CXCL13: variants seen among roughly 807,000 people sequenced by gnomAD.
CXCL13 encodes the protein C-X-C motif chemokine 13.
Under a neutral mutation model 12.2 loss-of-function variants are expected in CXCL13, and 7 were observed. The ratio of observed to expected loss-of-function variants is 0.57; its 90% CI spans 0.33 to 1.07. The LOEUF (loss-of-function observed/expected upper bound fraction) is 1.07, where lower values mean the gene tolerates loss of function less well. Ranked by LOEUF, CXCL13 falls within the 50% of genes least tolerant of loss-of-function variation. The pLI is 0.04. For missense variants in CXCL13, 113 were observed against 127.4 expected, an observed-to-expected ratio of 0.89 and a Z score of 0.55; for synonymous variants, 47 against 42.4, an observed-to-expected ratio of 1.11 and a Z score of -0.42.
upstream of CXCL13, among the ~76,000 whole-genome samples, chr4:77,601,435 C>A (rs1726879609): frequency 6.6e-6 from 1 of 152,002 alleles, no homozygotes; most frequent in Non-Finnish European, 1.5e-5. Context: ...AAATAAAACA[C>A]CCCCTGTGTA....
At chr4:77,512,206 C>G (rs1476947394) in intron 1 of CXCL13, among the ~76,000 whole-genome samples, 1 of 152,290 alleles carries the variant, frequency 6.6e-6, no homozygotes, top group East Asian at 1.9e-4. Context: ...TTCTTGTTTT[C>G]TCATTAGATT....
intron 1 of CXCL13, among the ~76,000 whole-genome samples, chr4:77,579,787 T>C (rs1026699898): frequency 1.3e-5 from 2 of 152,220 alleles, no homozygotes; most frequent in Non-Finnish European, 2.9e-5. Context: ...ATCTCTTTAG[T>C]ACAAGCAAAT....
intron 1 of CXCL13, among the ~76,000 whole-genome samples, chr4:77,567,178 A>G (rs1440532390): frequency 6.6e-6 from 1 of 152,118 alleles, no homozygotes; most frequent in Non-Finnish European, 1.5e-5. Flanking sequence ...ACTTTGTAAG[A>G]TCCACCCCCT....
chr4:77,525,721 G>A (rs1327950509), intron 1 of CXCL13, among the ~76,000 whole-genome samples: 1 of 151,920 alleles, frequency 6.6e-6, no homozygotes, highest in Non-Finnish European at 1.5e-5. Flanking sequence ...TTTGTCCAAG[G>A]CAAACATGAC....
chr4:77,530,381 AC>A (rs1724879828), intron 1 of CXCL13, among the ~76,000 whole-genome samples: 1 of 152,066 alleles, frequency 6.6e-6, no homozygotes, highest in African/African-American at 2.4e-5. Context: ...CTCTGGTAGA[AC>A]TCGGCTGTGA....
chr4:77,538,364 T>G (rs1034667597), intron 1 of CXCL13, among the ~76,000 whole-genome samples: 1 of 151,662 alleles, frequency 6.6e-6, no homozygotes, highest in African/African-American at 2.4e-5. Flanking sequence ...GAAGAATGAC[T>G]CATTATTTAT....
intron 1 of CXCL13, among the ~76,000 whole-genome samples, chr4:77,571,347 T>C (rs1048513323): frequency 4.6e-5 from 7 of 151,736 alleles, no homozygotes; most frequent in African/African-American, 1.7e-4. Flanking sequence ...AGTGCACCAA[T>C]CGACACTCTG....
At chr4:77,577,414 A>G (rs1287150124) in intron 1 of CXCL13, among the ~76,000 whole-genome samples, 1 of 152,100 alleles carries the variant, frequency 6.6e-6, no homozygotes, top group African/African-American at 2.4e-5. Flanking sequence ...TTGAAGCCCT[A>G]AGAAAGAAAA....
intron 1 of CXCL13, among the ~76,000 whole-genome samples, chr4:77,583,036 A>G (rs1002990049): frequency 1.3e-5 from 2 of 152,178 alleles, no homozygotes; most frequent in Non-Finnish European, 2.9e-5. Flanking sequence ...CTTTTAATGT[A>G]AGCAACAAAG....
At chr4:77,564,616 G>C (rs1725881375) in intron 1 of CXCL13, among the ~76,000 whole-genome samples, 1 of 152,178 alleles carries the variant, frequency 6.6e-6, no homozygotes, top group South Asian at 2.1e-4. Flanking sequence ...TGCTATTATT[G>C]TTCCTATACC....
chr4:77,529,255 A>C (rs1464490568), intron 1 of CXCL13, among the ~76,000 whole-genome samples: 1 of 152,088 alleles, frequency 6.6e-6, no homozygotes, highest in Non-Finnish European at 1.5e-5. Context: ...TTGACTTGGC[A>C]ATGCAGGCTC....
intron 1 of CXCL13, among the ~76,000 whole-genome samples, chr4:77,587,543 T>C (rs1324501769): frequency 6.6e-6 from 1 of 152,162 alleles, no homozygotes; most frequent in Non-Finnish European, 1.5e-5. Flanking sequence ...AATTGCTTAA[T>C]TGGATCCTTC....
In CXCL13 at chr4:77,561,563, T is replaced by C. The variant is rs147854125; in HGVS notation, c.-42-44261T>C. On this transcript the variant is annotated intron_variant, in intron 1 of 4. Transcript: ENST00000286758. ...ATAATCAGTAGTGCTGATCTTGGAG[T>C]GTAGCACCATCTGCTTCGAAGACTA... Among the ~76,000 whole-genome samples the C allele has an allele frequency of 4.5e-3, 681 of 152,260 alleles. 18 individuals are homozygous for C. Among genetic ancestry groups the C allele is most frequent in the East Asian group, 0.027 (140 of 5,186 alleles).
chr4:77,603,169 G>T (rs1249419283), upstream of CXCL13, among the ~76,000 whole-genome samples: 1 of 151,810 alleles, frequency 6.6e-6, no homozygotes, highest in Non-Finnish European at 1.5e-5. Flanking sequence ...TCATTTTTTT[G>T]CTCTCACAAG....
At chr4:77,547,856 TG>T (rs1274762497) in intron 1 of CXCL13, among the ~76,000 whole-genome samples, 1 of 152,228 alleles carries the variant, frequency 6.6e-6, no homozygotes, top group African/African-American at 2.4e-5. Context: ...GGTATGTTTT[TG>T]CAGTGGCTGG....
rs1418182723 is a variant in CXCL13 at position 77,610,611 on chromosome 4, C to T, written c.198-3C>T. The T allele has an allele frequency of 1.2e-6, 2 of 1,604,290 alleles. No individual in the cohort carries two copies. Among genetic ancestry groups the T allele is most frequent in the Non-Finnish European group, 1.7e-6 (2 of 1,171,350 alleles). The stretch of plus-strand genomic sequence containing the variant: ...GAATTATTTAATTTTTATTTTCCCC[C>T]AGAGTCTGGAAGAAGAACAAGTCAA... On this transcript the variant is annotated splice_region_variant and splice_polypyrimidine_tract_variant and intron_variant, in intron 2 of 3. Coordinates refer to ENST00000682537, the MANE Select transcript of CXCL13 (RefSeq NM_001371558.1).
chr4:77,572,904 A>G (rs1490884964), intron 1 of CXCL13, among the ~76,000 whole-genome samples: 1 of 151,964 alleles, frequency 6.6e-6, no homozygotes, highest in Non-Finnish European at 1.5e-5. Context: ...CTATGCAGCC[A>G]TAAAAAAGAA....
chr4:77,607,621 G>C, intron 1 of CXCL13, 82 bp from the exon 2 acceptor site: 1 of 1,385,490 alleles, frequency 7.2e-7, no homozygotes, highest in South Asian at 1.4e-5. Flanking sequence ...TCAAATGCAC[G>C]TTATGAAAGA....
intron 1 of CXCL13, among the ~76,000 whole-genome samples, chr4:77,566,132 C>A (rs1212629190): frequency 1.3e-5 from 2 of 152,188 alleles, no homozygotes; most frequent in Admixed American, 1.3e-4. Context: ...CCTTCCTATA[C>A]ATATAATTCT....
Sources: allele counts gnomAD v4.1 joint callset (sites outside exome capture counted in the v4.1 genomes callset), GRCh38; gene constraint gnomAD v4.1.1; transcripts MANE v1.5; gene names NCBI Gene and HGNC (gene_info 2026-07-23, HGNC 2026-07-21).